RYR3: variants seen among roughly 807,000 people sequenced by gnomAD.
The protein encoded by RYR3 is brain ryanodine receptor-calcium release channel.
A neutral mutation model predicts 584.3 loss-of-function variants in RYR3; 207 were observed. That is an observed-to-expected ratio of 0.35 (90% confidence interval 0.32 to 0.40). RYR3 has a LOEUF of 0.40. Among genes scored for constraint, RYR3 ranks in the 10% least tolerant of loss-of-function variants. The probability of loss-of-function intolerance (pLI) is 1.00; values close to 1 mark genes in which losing one functional copy is unlikely to be tolerated. For synonymous variants in RYR3, 2,416 were observed against 2,248.5 expected, an observed-to-expected ratio of 1.07 and a Z score of -2.11; for missense variants, 5,616 against 6,089.2, an observed-to-expected ratio of 0.92 and a Z score of 2.59.
chr15:33,831,745 C>G (rs1005183606), intron 86 of RYR3, among the ~76,000 whole-genome samples: 1 of 152,066 alleles, frequency 6.6e-6, no homozygotes, highest in African/African-American at 2.4e-5. Context: ...GCATAATTTG[C>G]TATAAAATTA....
intron 1 of RYR3, among the ~76,000 whole-genome samples, chr15:33,437,142 G>A (rs1475148912): frequency 7.5e-6 from 1 of 132,466 alleles, no homozygotes; most frequent in East Asian, 2.7e-4. Context: ...GTGTGTGTGT[G>A]TGTGTGTGTG....
chr15:33,738,688 G>C, intron 50 of RYR3, 98 bp downstream of exon 50: 1 of 1,362,616 alleles, frequency 7.3e-7, no homozygotes, highest in South Asian at 1.3e-5. Context: ...CATTTGCCAG[G>C]ACCTGTGCTA....
intron 27 of RYR3, among the ~76,000 whole-genome samples, chr15:33,640,461 G>A (rs755752518): frequency 3.9e-5 from 6 of 152,164 alleles, no homozygotes; most frequent in Non-Finnish European, 8.8e-5. Context: ...TGGTCTGAGC[G>A]GTCATCTACC....
At chr15:33,648,201 A>G (rs1034134864) in intron 30 of RYR3, among the ~76,000 whole-genome samples, 2 of 152,326 alleles carry the variant, frequency 1.3e-5, no homozygotes, top group South Asian at 4.1e-4. Flanking sequence ...AAGCCCTGAA[A>G]TGGATAATAT....
Position 33,659,801 on chromosome 15 carries a change from C to T in RYR3, c.4390C>T (p.Leu1464=), listed in dbSNP as rs1211534394. ...TSLFQFELGK[L]KNAMPLSAAI... ...TTTGTTTCAGTTTGAACTTGGAAAGCTGAAGGTATTTATTTGTCCTCTCAT... is the reference window on the plus strand; with the variant it reads ...TTTGTTTCAGTTTGAACTTGGAAAGTTGAAGGTATTTATTTGTCCTCTCAT... The change falls in exon 33 of 104, where the codon CTG becomes TTG. Residue 1464 remains leucine, a synonymous_variant. Coordinates refer to ENST00000634891, the MANE Select transcript of RYR3 (RefSeq NM_001036.6). 1 of 1,604,468 alleles carries T rather than the reference C, an allele frequency of 6.2e-7. No homozygotes were observed. Among genetic ancestry groups the T allele is most frequent in the Admixed American group, 1.7e-5 (1 of 59,954 alleles).
Position 33,679,566 on chromosome 15 carries a change from A to T in RYR3, c.5860+9010A>T, listed in dbSNP as rs2064436078. Among the ~76,000 whole-genome samples, 5 of 152,220 alleles carry T rather than the reference A, an allele frequency of 3.3e-5. No homozygotes were observed. In the South Asian group the frequency reaches 1.0e-3, roughly 32 times the overall value. ...CTTTCAAGAGCTCCATGGGTCAGAT[A>T]GAAATAGAACCATGGAATATTAAGC... On this transcript the variant is annotated intron_variant, in intron 38 of 103. Transcript: ENST00000634891.
intron 91 of RYR3, among the ~76,000 whole-genome samples, chr15:33,842,990 C>T (rs973174334): frequency 6.6e-6 from 1 of 152,138 alleles, no homozygotes; most frequent in South Asian, 2.1e-4. Flanking sequence ...GTTCCATGTT[C>T]ATGACACGAC....
rs905457147 is a variant in RYR3 at position 33,748,182 on chromosome 15, G to A, written c.8058G>A (p.Val2686=). The A allele has an allele frequency of 2.5e-6, 4 of 1,613,774 alleles. No homozygotes were observed. The African/African-American group carries it at 5.3e-5, about 22-fold the overall frequency. The change falls in exon 54 of 104, where the codon GTG becomes GTA. Residue 2686 remains valine, a synonymous_variant. Coordinates refer to ENST00000634891, the MANE Select transcript of RYR3 (RefSeq NM_001036.6). ...CCATGCTGGCTGTGGGCTGGACTGT[G>A]GAGAGGACCAAAGAGGGAGAAGCTT... The part of the protein sequence containing the change: ...LKTMLAVGWT[V]ERTKEGEALV...
chr15:33,526,702 C>T (rs1383397866), intron 3 of RYR3, among the ~76,000 whole-genome samples: 1 of 151,852 alleles, frequency 6.6e-6, no homozygotes, highest in Non-Finnish European at 1.5e-5. Flanking sequence ...ATTACTTACT[C>T]ATTCAGGAAA....
rs1308303030 is a variant in RYR3, at chr15:33,508,415, T to C, written c.279+4677T>C. Among the ~76,000 whole-genome samples, 4 of 152,064 alleles carry C rather than the reference T, an allele frequency of 2.6e-5. No individual in the cohort carries two copies. In the East Asian group the frequency reaches 7.7e-4, roughly 29 times the overall value. On this transcript the variant is annotated intron_variant, in intron 3 of 103. Transcript: ENST00000634891. ...CTGTAATCCCAGCACTCTGGGAGGC[T>C]GAGGCGGGCGGATCACAAGGTCAGG...
chr15:33,405,866 C>T (rs1399234060), intron 1 of RYR3, among the ~76,000 whole-genome samples: 7 of 152,220 alleles, frequency 4.6e-5, no homozygotes, highest in African/African-American at 1.7e-4. Flanking sequence ...CATTCTTAGG[C>T]AGCTTCTCTC....
At chr15:33,707,939 T>C (rs1191062219) in intron 43 of RYR3, among the ~76,000 whole-genome samples, 1 of 152,232 alleles carries the variant, frequency 6.6e-6, no homozygotes, top group Non-Finnish European at 1.5e-5. Flanking sequence ...TGTACTATAC[T>C]ATAGTCTTAA....
intron 10 of RYR3, among the ~76,000 whole-genome samples, chr15:33,550,940 C>T (rs1009149824): frequency 6.6e-6 from 1 of 152,170 alleles, no homozygotes; most frequent in Non-Finnish European, 1.5e-5. Context: ...CCCATCCATC[C>T]CAAACCTTCA....
In RYR3 at chr15:33,838,220, A is replaced by G. The variant is rs774920860; in HGVS notation, c.12240A>G (p.Glu4080=). Residue 4080 remains glutamate, a synonymous_variant, in exon 89 of 104, where the codon GAA becomes GAG. Coordinates refer to ENST00000634891, the MANE Select transcript of RYR3 (RefSeq NM_001036.6). ...FDVVNEGGEQ[E]KMELFVNFCE... ...TTGTCAATGAAGGTGGGGAGCAGGA[A>G]AAGATGGAGCTGTTTGTGAACTTCT... 4 of 1,614,032 alleles carry G rather than the reference A, an allele frequency of 2.5e-6. No homozygotes were observed. The Admixed American group carries it at 5.0e-5, about 20-fold the overall frequency.
At chr15:33,320,860 G>A (rs1023858964) in intron 1 of RYR3, among the ~76,000 whole-genome samples, 1 of 152,182 alleles carries the variant, frequency 6.6e-6, no homozygotes, top group Non-Finnish European at 1.5e-5. Flanking sequence ...TATTCCAAAT[G>A]TCATTGCACA....
At chr15:33,672,842 G>A (rs543104846) in intron 38 of RYR3, among the ~76,000 whole-genome samples, 3 of 152,110 alleles carry the variant, frequency 2.0e-5, no homozygotes, top group Admixed American at 6.6e-5. Context: ...ATTTACTGCT[G>A]TTAGTTTTCT....
intron 93 of RYR3, among the ~76,000 whole-genome samples, chr15:33,845,293 C>T (rs1018456903): frequency 3.3e-5 from 5 of 152,182 alleles, no homozygotes; most frequent in East Asian, 1.9e-4. Flanking sequence ...GCTCTTGTCT[C>T]GCAGGCTGGA....
rs1442914246 is a variant in RYR3, at chr15:33,857,770, T to C, written c.14008-10T>C. 1 of 1,613,882 alleles carries C rather than the reference T, an allele frequency of 6.2e-7. No individual in the cohort carries two copies. Among genetic ancestry groups the C allele is most frequent in the African/African-American group, 1.3e-5 (1 of 74,934 alleles). On this transcript the variant is annotated splice_polypyrimidine_tract_variant and intron_variant, in intron 98 of 103. Transcript: ENST00000634891. The stretch of plus-strand genomic sequence containing the variant: ...CACTCCTTTTCCTTTCTCTGTCCTC[T>C]CATTCCCAGTTGGTTCTGACTGTCG...
In RYR3 at chr15:33,864,605, T is replaced by G. The variant is rs114489627; in HGVS notation, c.14517+416T>G. Among the ~76,000 whole-genome samples, 511 of 152,216 alleles carry G rather than the reference T, an allele frequency of 3.4e-3. 7 individuals carry two copies. The highest frequency in any genetic ancestry group is 0.012 in the African/African-American group (491 of 41,526). On this transcript the variant is annotated intron_variant, in intron 103 of 103. Transcript: ENST00000634891. ...GCCTGGAGGTGTGCATGTGAGAGGA[T>G]GAGTGAAAGGATGTGTCAAATTTTG...
Sources: gnomAD v4.1 joint callset for allele counts (sites outside exome capture counted in the v4.1 genomes callset) on GRCh38, gnomAD v4.1.1 for gene constraint, MANE v1.5 for transcripts, NCBI Gene and HGNC (gene_info 2026-07-23, HGNC 2026-07-21) for gene names.